The following CDH18 variants were observed in gnomAD, a reference collection of about 807,000 sequenced individuals.
CDH18 encodes cadherin 18.
Under a neutral mutation model 67.9 loss-of-function variants are expected in CDH18, and 31 were observed. The ratio of observed to expected loss-of-function variants is 0.46; its 90% CI spans 0.34 to 0.62. CDH18 has a LOEUF of 0.62. Ranked by LOEUF, CDH18 falls within the 20% of genes least tolerant of loss-of-function variation. The pLI, the probability that CDH18 is intolerant of heterozygous loss-of-function variation, is 0.01. For synonymous variants in CDH18, 362 were observed against 347.2 expected, an observed-to-expected ratio of 1.04 and a Z score of -0.48; for missense variants, 890 against 975.5, an observed-to-expected ratio of 0.91 and a Z score of 1.17.
chr5:20,195,685 T>A (rs1272250740), intron 2 of CDH18, among the ~76,000 whole-genome samples: 2 of 152,056 alleles, frequency 1.3e-5, no homozygotes, highest in Non-Finnish European at 2.9e-5. Flanking sequence ...AGACAAAATA[T>A]GATATACTTT....
At chr5:20,148,787 A>C (rs910107102) in intron 2 of CDH18, among the ~76,000 whole-genome samples, 1 of 152,158 alleles carries the variant, frequency 6.6e-6, no homozygotes, top group African/African-American at 2.4e-5. Context: ...GCATTGACTC[A>C]AGAACTCAGT....
At chr5:20,214,339 A>T (rs1272762052) in intron 2 of CDH18, among the ~76,000 whole-genome samples, 1 of 152,060 alleles carries the variant, frequency 6.6e-6, no homozygotes, top group Non-Finnish European at 1.5e-5. Flanking sequence ...AGCTAGAAAA[A>T]ATTAATAATT....
In CDH18 at chr5:20,535,706, T is replaced by A. The variant is rs953339918; in HGVS notation, c.-580+39756A>T. 5.3e-5 allele frequency among the ~76,000 whole-genome samples: 8 copies of A among 152,064 alleles called. No individual in the cohort carries two copies. The East Asian group carries it at 1.5e-3, about 29-fold the overall frequency. ...AAACTGTTTTCAGCTCTCAAAAGTG[T>A]TTTACCTAATGAATTCTGATGATTC... is the stretch of plus-strand genomic sequence containing the variant. On this transcript the variant is annotated intron_variant, in intron 1 of 14. Transcript: ENST00000507958.
At chr5:19,611,223 G>A (rs1748903500) in intron 6 of CDH18, among the ~76,000 whole-genome samples, 1 of 152,084 alleles carries the variant, frequency 6.6e-6, no homozygotes. Context: ...TGCTGTGCAA[G>A]GGGATCTATG....
chr5:20,391,717 C>T (rs1380083265), intron 1 of CDH18, among the ~76,000 whole-genome samples: 6 of 152,012 alleles, frequency 3.9e-5, no homozygotes, highest in Non-Finnish European at 7.4e-5. Flanking sequence ...AATTTGGTCT[C>T]TGACATTGAT....
chr5:19,719,867 AAAG>A (rs1025739781), intron 5 of CDH18, among the ~76,000 whole-genome samples: 114 of 151,392 alleles, frequency 7.5e-4, no homozygotes, highest in African/African-American at 2.7e-3. Context: ...GAAAGAAAGA[AAAG>A]AGAGAGAGAG....
chr5:20,515,495 G>A (rs1475630525), intron 1 of CDH18, among the ~76,000 whole-genome samples: 1 of 151,718 alleles, frequency 6.6e-6, no homozygotes, highest in Non-Finnish European at 1.5e-5. Flanking sequence ...TTTCCATTAC[G>A]AAAATACAAT....
chr5:20,040,485 A>G (rs1280280173), intron 2 of CDH18, among the ~76,000 whole-genome samples: 1 of 152,116 alleles, frequency 6.6e-6, no homozygotes, highest in African/African-American at 2.4e-5. Flanking sequence ...CAAGATGTGT[A>G]ACGTTTTGAA....
intron 3 of CDH18, among the ~76,000 whole-genome samples, chr5:19,819,110 TTTA>T (rs1184832752): frequency 6.6e-6 from 1 of 151,866 alleles, no homozygotes; most frequent in Non-Finnish European, 1.5e-5. Context: ...CAATTTATCA[TTTA>T]TTATTACAAA....
At chr5:19,643,873 T>A (rs533349544) in intron 5 of CDH18, among the ~76,000 whole-genome samples, 1 of 152,208 alleles carries the variant, frequency 6.6e-6, no homozygotes, top group Admixed American at 6.5e-5. Context: ...AACTTTCACA[T>A]GATGAATAAG....
chr5:19,633,460 A>G (rs2150189258), intron 5 of CDH18, among the ~76,000 whole-genome samples: 1 of 152,314 alleles, frequency 6.6e-6, no homozygotes, highest in Non-Finnish European at 1.5e-5. Flanking sequence ...GCATGGTGTT[A>G]CATTTTTATA....
intron 5 of CDH18, among the ~76,000 whole-genome samples, chr5:19,615,313 C>T (rs1749648596): frequency 6.6e-6 from 1 of 152,116 alleles, no homozygotes; most frequent in Admixed American, 6.5e-5. Flanking sequence ...ACCTGGAACC[C>T]AGACGCATTT....
intron 2 of CDH18, among the ~76,000 whole-genome samples, chr5:20,102,250 G>A (rs960085567): frequency 2.5e-5 from 3 of 119,406 alleles, no homozygotes; most frequent in Admixed American, 1.8e-4. Flanking sequence ...GTGTGTGTGT[G>A]TGTATTCACG....
intron 2 of CDH18, among the ~76,000 whole-genome samples, chr5:20,254,899 A>T (rs1195741564): frequency 6.6e-6 from 1 of 151,194 alleles, no homozygotes; most frequent in Non-Finnish European, 1.5e-5. Context: ...TAAAAAAAAA[A>T]TGTGGTACAT....
intron 3 of CDH18, among the ~76,000 whole-genome samples, chr5:19,773,494 T>A (rs948340940): frequency 6.6e-6 from 1 of 152,116 alleles, no homozygotes; most frequent in Admixed American, 6.6e-5. Context: ...GAAAAGTGAA[T>A]CCTATTCAGG....
chr5:19,933,240 C>A (rs1793897876), intron 2 of CDH18, among the ~76,000 whole-genome samples: 1 of 151,414 alleles, frequency 6.6e-6, no homozygotes, highest in Admixed American at 6.6e-5. Flanking sequence ...CACATTTGCC[C>A]ACCTACTTAC....
At chr5:20,107,226 G>A (rs1298850718) in intron 2 of CDH18, among the ~76,000 whole-genome samples, 3 of 151,970 alleles carry the variant, frequency 2.0e-5, no homozygotes, top group Non-Finnish European at 4.4e-5. Context: ...GACTACAGGC[G>A]CCCTCCATCA....
At chr5:19,939,562 G>C (rs896380740) in intron 2 of CDH18, among the ~76,000 whole-genome samples, 1 of 151,612 alleles carries the variant, frequency 6.6e-6, no homozygotes, top group Non-Finnish European at 1.5e-5. Context: ...GACAATTTTT[G>C]ATACAATTTT....
chr5:19,980,397 G>GT (rs775710713), intron 2 of CDH18, among the ~76,000 whole-genome samples: 8 of 147,736 alleles, frequency 5.4e-5, no homozygotes, highest in African/African-American at 1.1e-4. Flanking sequence ...TTTTTAAGAT[G>GT]TTTTTTTAAT....
Sources: allele counts gnomAD v4.1 joint callset (sites outside exome capture counted in the v4.1 genomes callset), GRCh38; gene constraint gnomAD v4.1.1; transcripts MANE v1.5; gene names NCBI Gene and HGNC (gene_info 2026-07-23, HGNC 2026-07-21).